GRK5: variants seen among roughly 807,000 people sequenced by gnomAD.
GRK5 encodes the protein g protein-coupled receptor kinase GRK5.
GRK5 carries 40 observed loss-of-function variants against 78.4 expected under a neutral mutation model. That is an observed-to-expected ratio of 0.51 (90% CI 0.40 to 0.66). The LOEUF (loss-of-function observed/expected upper bound fraction) is 0.66, where lower values mean the gene tolerates loss of function less well. GRK5 is among the 30% of genes least tolerant of loss of function. The probability of loss-of-function intolerance (pLI) is 0.00; values close to 1 mark genes in which losing one functional copy is unlikely to be tolerated. For synonymous variants in GRK5, 289 were observed against 296.8 expected (o/e 0.97, Z 0.27); for missense variants, 598 against 759.9 (o/e 0.79, Z 2.50).
At chr10:119,216,953 A>AC (rs1848585583) in intron 1 of GRK5, among the ~76,000 whole-genome samples, 1 of 152,186 alleles carries the variant, frequency 6.6e-6, no homozygotes, top group African/African-American at 2.4e-5. Flanking sequence ...TTTAAAAAAA[A>AC]ACATAAAAAT....
intron 4 of GRK5, among the ~76,000 whole-genome samples, chr10:119,410,202 T>A (rs1852312384): frequency 6.6e-6 from 1 of 152,238 alleles, no homozygotes; most frequent in Non-Finnish European, 1.5e-5. Flanking sequence ...CTTTTGCTTT[T>A]GACGTAAAGG....
chr10:119,261,069 TG>T (rs59958948), intron 1 of GRK5, among the ~76,000 whole-genome samples: 1,016 of 4,010 alleles, frequency 0.25, 112 homozygotes, highest in Middle Eastern at 0.5. Flanking sequence ...ACGGGGCGGC[TG>T]GCCGGGCGGA....
At chr10:119,298,919 C>T (rs1376467612) in intron 1 of GRK5, among the ~76,000 whole-genome samples, 2 of 152,186 alleles carry the variant, frequency 1.3e-5, no homozygotes, top group Non-Finnish European at 1.5e-5. Context: ...CCCTGACTCT[C>T]CCTGCAGACT....
intron 3 of GRK5, among the ~76,000 whole-genome samples, chr10:119,391,325 G>T (rs1851884869): frequency 6.6e-6 from 1 of 152,150 alleles, no homozygotes; most frequent in Admixed American, 6.5e-5. Flanking sequence ...CCCCCATCAT[G>T]CACTGCTCGC....
intron 3 of GRK5, among the ~76,000 whole-genome samples, chr10:119,396,032 C>A (rs961187844): frequency 3.3e-5 from 5 of 152,200 alleles, no homozygotes; most frequent in African/African-American, 4.8e-5. Flanking sequence ...CTGGAAAAGA[C>A]CAGGCATCCA....
At chr10:119,426,657 G>T (rs1852682142) in intron 6 of GRK5, among the ~76,000 whole-genome samples, 1 of 152,178 alleles carries the variant, frequency 6.6e-6, no homozygotes, top group Non-Finnish European at 1.5e-5. Flanking sequence ...GAATGCAGTT[G>T]TTGCATCCAT....
chr10:119,354,453 G>T (rs193289907), intron 2 of GRK5, among the ~76,000 whole-genome samples: 1 of 138,022 alleles, frequency 7.2e-6, no homozygotes, highest in African/African-American at 2.7e-5. Flanking sequence ...TCAGGCTGGA[G>T]TGCAGTGGCG....
intron 1 of GRK5, among the ~76,000 whole-genome samples, chr10:119,274,197 A>G (rs1181126347): frequency 1.3e-5 from 2 of 152,026 alleles, no homozygotes; most frequent in African/African-American, 2.4e-5. Context: ...AGGAGGGGAC[A>G]TGGGTGCTGG....
intron 1 of GRK5, among the ~76,000 whole-genome samples, chr10:119,299,584 T>TG (rs921865403): frequency 1.1e-4 from 17 of 152,186 alleles, no homozygotes; most frequent in African/African-American, 3.9e-4. Flanking sequence ...GGTTCTGGGA[T>TG]GGGGGAGTTG....
chr10:119,207,797 G>T lies in GRK5; in HGVS notation c.-121G>T. ...AGGAATAATGCGGTAGGCAAGGCGG[G>T]CTGCTGGCTCCCCCGGCTCCGGCAG... On this transcript the variant is annotated 5_prime_UTR_variant, in exon 1 of 16. Coordinates refer to ENST00000392870, the MANE Select transcript of GRK5 (RefSeq NM_005308.3). 9.6e-6 allele frequency: 9 copies of T among 936,162 alleles called. No homozygotes were observed. The highest frequency in any genetic ancestry group is 1.4e-5 in the Non-Finnish European group (9 of 634,864). 58.0% of individuals were successfully genotyped at this position (936,162 alleles called of 1,614,324 possible). A position where few individuals can be genotyped will look rare whatever the true frequency, so the allele number is the denominator to read the frequency against.
At chr10:119,308,803 T>G (rs1460028380) in intron 1 of GRK5, among the ~76,000 whole-genome samples, 1 of 152,118 alleles carries the variant, frequency 6.6e-6, no homozygotes, top group South Asian at 2.1e-4. Flanking sequence ...AGGAGGAGGA[T>G]CTTAGTGTTA....
intron 2 of GRK5, among the ~76,000 whole-genome samples, chr10:119,327,709 G>A (rs1309014149): frequency 5.9e-5 from 9 of 152,270 alleles, no homozygotes; most frequent in Non-Finnish European, 7.4e-5. Flanking sequence ...GGCTTGCTCC[G>A]TCCTGGCCCT....
At chr10:119,270,824 T>G (rs1849571060) in intron 1 of GRK5, among the ~76,000 whole-genome samples, 1 of 152,342 alleles carries the variant, frequency 6.6e-6, no homozygotes, top group East Asian at 1.9e-4. Context: ...CAGCTCAAAC[T>G]GCAGTGTGCT....
intron 1 of GRK5, among the ~76,000 whole-genome samples, chr10:119,249,544 C>CT (rs1849167422): frequency 1.3e-5 from 2 of 152,154 alleles, no homozygotes; most frequent in South Asian, 4.1e-4. Context: ...GTTGCCCAGG[C>CT]TGGAGTGCAA....
chr10:119,330,153 G>T (rs1464500292), intron 2 of GRK5: 1 of 152,096 alleles, frequency 6.6e-6, no homozygotes, highest in Non-Finnish European at 1.5e-5. Flanking sequence ...GTGAGCCACT[G>T]CGCCGCCTTT....
intron 1 of GRK5, among the ~76,000 whole-genome samples, chr10:119,303,082 G>A (rs1332617164): frequency 1.3e-5 from 2 of 152,210 alleles, no homozygotes; most frequent in African/African-American, 4.8e-5. Context: ...GGAGCGCAGA[G>A]AGGTGCACTC....
At chr10:119,424,845 G>T (rs1291097640) in intron 5 of GRK5, 148 bp from the exon 6 acceptor site, 10 of 645,190 alleles carry the variant, frequency 1.5e-5, no homozygotes, top group Non-Finnish European at 2.0e-5. Context: ...ACCCTCAGTA[G>T]AATGGCAGGA....
At chr10:119,282,178 C>T (rs976775147) in intron 1 of GRK5, among the ~76,000 whole-genome samples, 3 of 152,218 alleles carry the variant, frequency 2.0e-5, no homozygotes, top group Non-Finnish European at 4.4e-5. Context: ...TTCACTTGCT[C>T]CTCCCCCCAC....
chr10:119,242,464 G>A (rs998204601), intron 1 of GRK5, among the ~76,000 whole-genome samples: 8 of 150,708 alleles, frequency 5.3e-5, no homozygotes, highest in African/African-American at 2.0e-4. Flanking sequence ...CAGTGAGCTG[G>A]GTACCTGACT....
Sources: gnomAD v4.1 joint callset for allele counts (sites outside exome capture counted in the v4.1 genomes callset) on GRCh38, gnomAD v4.1.1 for gene constraint, MANE v1.5 for transcripts, NCBI Gene and HGNC (gene_info 2026-07-23, HGNC 2026-07-21) for gene names.